The following SAMHD1 variants were observed in gnomAD, a reference collection of about 807,000 sequenced individuals.
SAMHD1 encodes the protein deoxynucleoside triphosphate triphosphohydrolase SAMHD1.
In SAMHD1, 54 loss-of-function variants were observed where a neutral mutation model predicts 79.6. The observed-to-expected ratio is 0.68, with a 90% CI of 0.55 to 0.85. SAMHD1 has a LOEUF of 0.85. Among genes scored for constraint, SAMHD1 ranks in the 40% least tolerant of loss-of-function variants. The probability of loss-of-function intolerance (pLI) is 0.00; values close to 1 mark genes in which losing one functional copy is unlikely to be tolerated. For missense variants in SAMHD1, 663 were observed against 782.7 expected (o/e 0.85, Z 1.82); for synonymous variants, 260 against 264.1 (o/e 0.98, Z 0.15).
At position 36,917,068 on chromosome 20, in the gene SAMHD1, C is replaced by G; in HGVS notation, c.853-19G>C. 1 of 1,553,614 alleles carries G rather than the reference C, an allele frequency of 6.4e-7. No individual in the cohort carries two copies. The highest frequency in any genetic ancestry group is 1.1e-5 in the South Asian group (1 of 89,818). ...ATGGCCACTGGAAGGCAAGAAAACC[C>G]ACTGGAAGTTTTAGGATAGGCACCA... On this transcript the variant is annotated intron_variant, in intron 7 of 15. Coordinates refer to ENST00000646673, the MANE Select transcript of SAMHD1 (RefSeq NM_015474.4).
At chr20:36,922,534 A>G (rs945954087) in intron 6 of SAMHD1, among the ~76,000 whole-genome samples, 4 of 152,108 alleles carry the variant, frequency 2.6e-5, no homozygotes, top group Non-Finnish European at 5.9e-5. Flanking sequence ...GTGCACCACA[A>G]TGACCAGCTG....
At chr20:36,912,326 T>C (rs771283885) in intron 10 of SAMHD1, 135 bp downstream of exon 10, 50 of 673,872 alleles carry the variant, frequency 7.4e-5, no homozygotes, top group Non-Finnish European at 1.1e-4. Context: ...TTTTTTTTCT[T>C]TAAGGAAACC....
At chr20:36,895,271 A>G (rs1188045432) in intron 15 of SAMHD1, among the ~76,000 whole-genome samples, 1 of 151,372 alleles carries the variant, frequency 6.6e-6, no homozygotes, top group Non-Finnish European at 1.5e-5. Context: ...CTATGCCTCA[A>G]CCCCTCCCCT....
At chr20:36,917,980 A>G (rs2063485602) in intron 7 of SAMHD1, among the ~76,000 whole-genome samples, 1 of 152,170 alleles carries the variant, frequency 6.6e-6, no homozygotes, top group African/African-American at 2.4e-5. Context: ...GAACTGGTTC[A>G]ACTTTTTTGT....
In SAMHD1 at chr20:36,893,032, T is replaced by C. The variant is rs868061483; in HGVS notation, c.1781A>G (p.Gln594Arg). Reference protein sequence around the residue: ...GDVIAPLITPQKKEWNDSTSV... With the variant: ...GDVIAPLITPRKKEWNDSTSV... Reference sequence around the variant, plus strand: ...AGTACTGTCGTTCCATTCCTTTTTTTGAGGTGTTATGAGTGGGGCTATAAC... The same window carrying C: ...AGTACTGTCGTTCCATTCCTTTTTTCGAGGTGTTATGAGTGGGGCTATAAC... Residue 594 changes from glutamine (Q) to arginine (R), a missense_variant, in exon 16 of 16, where the codon CAA (glutamine) becomes CGA (arginine). Physicochemically the swap from Gln to Arg is conservative, Grantham distance 43. Transcript: ENST00000646673. 1.2e-6 allele frequency: 2 copies of C among 1,613,954 alleles called. No homozygotes were observed. Among genetic ancestry groups the C allele is most frequent in the African/African-American group, 1.3e-5 (1 of 75,022 alleles).
rs2063542158 is a variant in SAMHD1, at chr20:36,927,225, T to C, written c.653A>G (p.Asp218Gly). 1 of 1,607,892 alleles carries C rather than the reference T, an allele frequency of 6.2e-7. No homozygotes were observed. Among genetic ancestry groups the C allele is most frequent in the Non-Finnish European group, 8.5e-7 (1 of 1,176,560 alleles). ...GCGAGCAAGTGGAATAAATCGTCCA[T>C]CAAACATGTGAGAAAATGGCCCATG... ...LGHGPFSHMFDGRFIPLARPE... is the reference protein window; with the variant it reads ...LGHGPFSHMFGGRFIPLARPE... Residue 218 changes from aspartate (D) to glycine (G), a missense_variant, in exon 6 of 16, where the codon GAT becomes GGT. Transcript: ENST00000646673.
intron 4 of SAMHD1, chr20:36,931,109 A>G: frequency 1.8e-6 from 1 of 545,094 alleles, no homozygotes; most frequent in Non-Finnish European, 3.3e-6. Context: ...CCACAGTGAG[A>G]TACCACTTCA....
chr20:36,919,917 G>A (rs1295956387), intron 6 of SAMHD1, among the ~76,000 whole-genome samples: 1 of 152,058 alleles, frequency 6.6e-6, no homozygotes, highest in Non-Finnish European at 1.5e-5. Flanking sequence ...GTGGTGAAAA[G>A]GGGTAACTGC....
At chr20:36,893,841 C>T (rs1439094067) in intron 15 of SAMHD1, 2 of 398,508 alleles carry the variant, frequency 5.0e-6, no homozygotes, top group African/African-American at 2.1e-5. Flanking sequence ...CTCTGTCTCA[C>T]AGGAGCTACT....
intron 12 of SAMHD1, 31 bp from the exon 13 acceptor site, chr20:36,904,280 T>C (rs79633688): frequency 0.019 from 28,436 of 1,460,402 alleles, 347 homozygotes; most frequent in Non-Finnish European, 0.023. Flanking sequence ...CATGTTAGAA[T>C]CCATTTTTCA....
intron 11 of SAMHD1, among the ~76,000 whole-genome samples, chr20:36,910,547 T>C (rs1230763030): frequency 2.0e-5 from 3 of 151,856 alleles, no homozygotes; most frequent in Admixed American, 6.6e-5. Context: ...CTGGCCAATA[T>C]GGTAAAACCC....
chr20:36,897,801 T>C (rs766200055), intron 15 of SAMHD1, 21 bp downstream of exon 15: 2 of 1,614,170 alleles, frequency 1.2e-6, no homozygotes, highest in Non-Finnish European at 1.7e-6. Flanking sequence ...GTGCAAAGTT[T>C]GTGAGTAACA....
intron 6 of SAMHD1, among the ~76,000 whole-genome samples, chr20:36,926,130 A>G (rs1242815220): frequency 6.6e-6 from 1 of 151,882 alleles, no homozygotes; most frequent in African/African-American, 2.4e-5. Flanking sequence ...TTGTACGATA[A>G]TATGCACGAC....
At chr20:36,909,434 C>T (rs570296859) in intron 11 of SAMHD1, among the ~76,000 whole-genome samples, 1 of 151,586 alleles carries the variant, frequency 6.6e-6, no homozygotes, top group Non-Finnish European at 1.5e-5. Flanking sequence ...TTTGGGAGGC[C>T]GAGGCAGATG....
chr20:36,905,128 G>C (rs1052106743), intron 12 of SAMHD1: 7 of 520,998 alleles, frequency 1.3e-5, no homozygotes, highest in African/African-American at 1.1e-4. Context: ...AGTTAAGTTA[G>C]ACCTGGCTTT....
intron 4 of SAMHD1, among the ~76,000 whole-genome samples, chr20:36,932,401 G>T (rs371254339): frequency 6.8e-6 from 1 of 148,028 alleles, no homozygotes; most frequent in Non-Finnish European, 1.5e-5. Flanking sequence ...AGGGGGTTGC[G>T]GGGGGTTGCG....
chr20:36,922,390 T>C (rs2063511497), intron 6 of SAMHD1, among the ~76,000 whole-genome samples: 1 of 152,208 alleles, frequency 6.6e-6, no homozygotes. Flanking sequence ...ATTTCAACAA[T>C]TTACATTCTT....
At chr20:36,942,584 CATTTCTGAA>C (rs1233581095) in intron 2 of SAMHD1, among the ~76,000 whole-genome samples, 2 of 152,106 alleles carry the variant, frequency 1.3e-5, no homozygotes, top group Admixed American at 6.6e-5. Context: ...TGTGTTCCAA[CATTTCTGAA>C]ATTTAATGCT....
chr20:36,909,603 G>A (rs937965740), intron 11 of SAMHD1, among the ~76,000 whole-genome samples: 2 of 149,762 alleles, frequency 1.3e-5, no homozygotes, highest in Admixed American at 6.7e-5. Flanking sequence ...CTCAGGAGGC[G>A]GAGGTTGCAG....
Sources: gnomAD v4.1 joint callset for allele counts (sites outside exome capture counted in the v4.1 genomes callset) on GRCh38, gnomAD v4.1.1 for gene constraint, MANE v1.5 for transcripts, NCBI Gene and HGNC (gene_info 2026-07-23, HGNC 2026-07-21) for gene names.